CRMP1: variants seen among roughly 807,000 people sequenced by gnomAD.
The protein encoded by CRMP1 is collapsin response mediator protein 1.
A neutral mutation model predicts 68.3 loss-of-function variants in CRMP1; 19 were observed. That is an observed-to-expected ratio of 0.28 (90% confidence interval 0.19 to 0.41). The LOEUF (loss-of-function observed/expected upper bound fraction) is 0.41. Among genes scored for constraint, CRMP1 ranks in the 10% least tolerant of loss-of-function variants. The probability of loss-of-function intolerance (pLI) is 1.00; values close to 1 mark genes in which losing one functional copy is unlikely to be tolerated. For synonymous variants in CRMP1, 439 were observed against 399.6 expected (o/e 1.10, Z -1.18); for missense variants, 791 against 967.4 (o/e 0.82, Z 2.42).
At chr4:5,864,341 G>T (rs28520196) in intron 2 of CRMP1, among the ~76,000 whole-genome samples, 32,505 of 151,936 alleles carry the variant, frequency 0.21, 3,854 homozygotes, top group African/African-American at 0.31. Flanking sequence ...CACACAAAGG[G>T]GTGTTCCCTC....
Position 5,825,701 on chromosome 4 carries a change from ATG to A in CRMP1, c.1804-44_1804-43del, listed in dbSNP as rs1719452403. 3 of 1,598,268 alleles carry A rather than the reference ATG, an allele frequency of 1.9e-6. No homozygotes were observed. Among genetic ancestry groups the A allele is most frequent in the Non-Finnish European group, 2.6e-6 (3 of 1,171,660 alleles). On this transcript the variant is annotated intron_variant, in intron 12 of 13. Transcript: ENST00000324989. This position sits in a 1 kb window ranked among gnomAD's most constrained non-coding sequence, Gnocchi z 4.4. ...AGAGTGTGATTGATCGACACTGTGC[ATG>A]TGTGCCCTTCTGGGCAGATAAAGCA...
intron 13 of CRMP1, among the ~76,000 whole-genome samples, chr4:5,822,763 C>T (rs755033965): frequency 1.4e-4 from 21 of 152,172 alleles, no homozygotes; most frequent in Non-Finnish European, 2.9e-5. Flanking sequence ...TGTAAGTCTG[C>T]CTTTCTTCAT....
intron 8 of CRMP1, among the ~76,000 whole-genome samples, chr4:5,840,881 C>T (rs1294477528): frequency 6.6e-6 from 1 of 152,184 alleles, no homozygotes; most frequent in East Asian, 1.9e-4. Context: ...TTGGGGTCCA[C>T]AGCTGCTCTG....
At chr4:5,851,268 C>G in intron 5 of CRMP1, 140 bp downstream of exon 5, 1 of 775,170 alleles carries the variant, frequency 1.3e-6, no homozygotes, top group South Asian at 1.5e-5. Flanking sequence ...GACACCGTAT[C>G]ACACAGCCAT....
At chr4:5,867,380 T>C (rs1298387414) in intron 1 of CRMP1, among the ~76,000 whole-genome samples, 1 of 152,142 alleles carries the variant, frequency 6.6e-6, no homozygotes, top group Non-Finnish European at 1.5e-5. Context: ...GTTGAAGAAA[T>C]TGGGTCATTT....
chr4:5,870,801 G>A lies in CRMP1; in HGVS notation c.382-4045C>T, dbSNP rs1295046101. ...GAGGAAACTCACCAAGCCTCTTGAC[G>A]GCAATCCGGGACCAATGGGAAAAAG... On this transcript the variant is annotated intron_variant, in intron 1 of 13. Transcript: ENST00000324989. The surrounding 1 kb of genome is among the most constrained non-coding windows in gnomAD (Gnocchi z 6.0). Among the ~76,000 whole-genome samples, 7 of 152,126 alleles carry A rather than the reference G, an allele frequency of 4.6e-5. No homozygotes were observed. Among genetic ancestry groups the A allele is most frequent in the Admixed American group, 2.0e-4 (3 of 15,284 alleles).
chr4:5,856,403 A>G (rs1016018646), intron 3 of CRMP1, 96 bp from the exon 4 acceptor site: 26 of 1,102,556 alleles, frequency 2.4e-5, no homozygotes, highest in Non-Finnish European at 3.4e-5. Flanking sequence ...CATCATTACC[A>G]TCACCACCAT....
chr4:5,885,713 A>G (rs3774895), intron 1 of CRMP1, among the ~76,000 whole-genome samples: 5 of 151,822 alleles, frequency 3.3e-5, no homozygotes, highest in Admixed American at 3.3e-4. Flanking sequence ...TGATACCCTT[A>G]ACACTTCACT....
chr4:5,821,860 G>A lies in CRMP1; in HGVS notation c.1970-9C>T. 2 of 1,599,250 alleles carry A rather than the reference G, an allele frequency of 1.3e-6. No individual in the cohort carries two copies. Among genetic ancestry groups the A allele is most frequent in the African/African-American group, 2.7e-5 (2 of 74,962 alleles). ...GTCATCTATCTGGGCACCTGAAAGAGAGCGCCAATCGCTGCTGGATGGGAT... is the reference window on the plus strand; with the variant it reads ...GTCATCTATCTGGGCACCTGAAAGAAAGCGCCAATCGCTGCTGGATGGGAT... On this transcript the variant is annotated splice_polypyrimidine_tract_variant and intron_variant, in intron 13 of 13. Transcript: ENST00000324989. The surrounding 1 kb of genome is among the most constrained non-coding windows in gnomAD (Gnocchi z 4.4).
rs142923050 is a variant in CRMP1 at position 5,844,752 on chromosome 4, T to G, written c.964-1591A>C. Among the ~76,000 whole-genome samples the G allele has an allele frequency of 6.2e-3, 939 of 152,322 alleles. 10 individuals carry two copies. Among genetic ancestry groups the G allele is most frequent in the African/African-American group, 0.021 (893 of 41,578 alleles). On this transcript the variant is annotated intron_variant, in intron 6 of 13. Transcript: ENST00000324989. Reference sequence around the variant, plus strand: ...GCTGCAGGCTGGACCTCTCTCACACTGGTGCAGGGGTGCGTGCACGCTGGG... The same window carrying G: ...GCTGCAGGCTGGACCTCTCTCACACGGGTGCAGGGGTGCGTGCACGCTGGG...
At position 5,854,782 on chromosome 4, in the gene CRMP1, A is replaced by G. The variant is rs6848864; in HGVS notation, c.820+1361T>C. ...AGGTGCAGGGACTAGAGATTCTGGC[A>G]TAGGATTTGCAGGGGTACAAGGGGA... On this transcript the variant is annotated intron_variant, in intron 4 of 13. Coordinates refer to ENST00000324989, the MANE Select transcript of CRMP1 (RefSeq NM_001014809.3). This position sits in a 1 kb window ranked among gnomAD's most constrained non-coding sequence, Gnocchi z 4.0. Among the ~76,000 whole-genome samples the G allele has an allele frequency of 0.1, 15,965 of 152,222 alleles. 868 individuals carry two copies. The highest frequency in any genetic ancestry group is 0.13 in the African/African-American group (5,461 of 41,528).
rs115406138 is a variant in CRMP1, at chr4:5,840,992, G to C, written c.1153+316C>G. 7.3e-3 allele frequency among the ~76,000 whole-genome samples: 1,115 copies of C among 152,264 alleles called. 4 individuals are homozygous for C. Among genetic ancestry groups the C allele is most frequent in the African/African-American group, 0.025 (1,026 of 41,542 alleles). ...CATGTAAGATACTGAATTTTGAAGA[G>C]AGTACAGAAAACATCATGCAAAATA... On this transcript the variant is annotated intron_variant, in intron 8 of 13. Transcript: ENST00000324989.
At chr4:5,857,146 TATC>T (rs1408437446) in intron 3 of CRMP1, among the ~76,000 whole-genome samples, 24 of 144,934 alleles carry the variant, frequency 1.7e-4, no homozygotes, top group African/African-American at 4.7e-4. Context: ...CACCATCCAC[TATC>T]ATCACTACCA....
In CRMP1 at chr4:5,865,986, G is replaced by A. The variant is rs549030713; in HGVS notation, c.470+682C>T. Among the ~76,000 whole-genome samples, 14 of 152,260 alleles carry A rather than the reference G, an allele frequency of 9.2e-5. No homozygotes were observed. The highest frequency in any genetic ancestry group is 2.1e-4 in the South Asian group (1 of 4,820). On this transcript the variant is annotated intron_variant, in intron 2 of 13. Transcript: ENST00000324989. This position sits in a 1 kb window ranked among gnomAD's most constrained non-coding sequence, Gnocchi z 4.1. ...GGCCTCAGGAAGAACCAACCCTGACGGCAGCTTGATCCGGGACTTCCAGCC... is the reference window on the plus strand; with the variant it reads ...GGCCTCAGGAAGAACCAACCCTGACAGCAGCTTGATCCGGGACTTCCAGCC...
At position 5,854,604 on chromosome 4, in the gene CRMP1, C is replaced by A. The variant is rs531739924; in HGVS notation, c.820+1539G>T. On this transcript the variant is annotated intron_variant, in intron 4 of 13. Transcript: ENST00000324989. This position sits in a 1 kb window ranked among gnomAD's most constrained non-coding sequence, Gnocchi z 4.0. ...ATGAAAATGCAAATTGAAGAGTGGGCAAATAATACAATCAGCTATTCACAT... is the reference window on the plus strand; with the variant it reads ...ATGAAAATGCAAATTGAAGAGTGGGAAAATAATACAATCAGCTATTCACAT... Among the ~76,000 whole-genome samples, 91 of 152,012 alleles carry A rather than the reference C, an allele frequency of 6.0e-4. 1 individual carries two copies. The highest frequency in any genetic ancestry group is 2.0e-3 in the African/African-American group (82 of 41,454).
intron 4 of CRMP1, among the ~76,000 whole-genome samples, chr4:5,852,744 G>C (rs1359147004): frequency 1.3e-5 from 2 of 152,188 alleles, no homozygotes; most frequent in Non-Finnish European, 2.9e-5. Flanking sequence ...GGGTGTGGGA[G>C]TATCAGCAAG....
intron 12 of CRMP1, 124 bp downstream of exon 12, chr4:5,828,365 A>G: frequency 6.9e-7 from 1 of 1,443,048 alleles, no homozygotes; most frequent in Non-Finnish European, 9.1e-7. Context: ...TTTAACAGAT[A>G]AGGAAACGGA....
At chr4:5,851,835 G>C (rs1712656241) in intron 4 of CRMP1, among the ~76,000 whole-genome samples, 1 of 148,026 alleles carries the variant, frequency 6.8e-6, no homozygotes, top group Non-Finnish European at 1.5e-5. Flanking sequence ...GAAAGAAGGA[G>C]AAGGGGAGGA....
At position 5,825,758 on chromosome 4, in the gene CRMP1, G is replaced by A; in HGVS notation, c.1804-99C>T. ...CCTGCGGGCGAGAGAGAAACCTGAGGTCACTTCAAATGTGCATGCACACAC... is the reference window on the plus strand; with the variant it reads ...CCTGCGGGCGAGAGAGAAACCTGAGATCACTTCAAATGTGCATGCACACAC... On this transcript the variant is annotated intron_variant, in intron 12 of 13. Coordinates refer to ENST00000324989, the MANE Select transcript of CRMP1 (RefSeq NM_001014809.3). The surrounding 1 kb of genome is among the most constrained non-coding windows in gnomAD (Gnocchi z 4.4). 1 of 1,274,998 alleles carries A rather than the reference G, an allele frequency of 7.8e-7. No individual in the cohort carries two copies. Among genetic ancestry groups the A allele is most frequent in the Non-Finnish European group, 1.1e-6 (1 of 911,740 alleles). The allele number at this position is 1,274,998 out of a possible 1,614,324, so 79.0% of individuals were successfully genotyped here. A position where few individuals can be genotyped will look rare whatever the true frequency, so the allele number is the denominator to read the frequency against.
Sources: allele counts gnomAD v4.1 joint callset (sites outside exome capture counted in the v4.1 genomes callset), GRCh38; gene constraint gnomAD v4.1.1; non-coding constraint Gnocchi (gnomAD v3.1); transcripts MANE v1.5; gene names NCBI Gene and HGNC (gene_info 2026-07-23, HGNC 2026-07-21).